TNIP2: variants seen among roughly 807,000 people sequenced by gnomAD.
TNIP2 encodes the protein TNFAIP3-interacting protein 2.
A neutral mutation model predicts 43.7 loss-of-function variants in TNIP2; 30 were observed. That is an observed-to-expected ratio of 0.69 (90% confidence interval 0.51 to 0.93). The LOEUF (loss-of-function observed/expected upper bound fraction) is 0.93. TNIP2 is among the 40% of genes least tolerant of loss of function. TNIP2 has a pLI of 0.00. For missense variants in TNIP2, 599 were observed against 591.0 expected (o/e 1.01, Z -0.14); for synonymous variants, 260 against 254.6 (o/e 1.02, Z -0.20).
rs1354898567 is a variant in TNIP2, at chr4:2,741,911, C to T, written c.*346G>A. The T allele has an allele frequency of 1.9e-5, 4 of 208,986 alleles. No homozygotes were observed. Among genetic ancestry groups the T allele is most frequent in the Non-Finnish European group, 3.8e-5 (4 of 105,392 alleles). The allele number at this position is 208,986 out of a possible 1,614,324, so 12.9% of individuals were successfully genotyped here. ...CCCACCCTGGGGACCATACAAGTGA[C>T]TCCCTCAGGCAGCCACCCCTTTCTA... On this transcript the variant is annotated 3_prime_UTR_variant, in exon 6 of 6. Transcript: ENST00000315423.
chr4:2,746,012 C>T (rs1460844143), intron 2 of TNIP2: 16 of 169,962 alleles, frequency 9.4e-5, no homozygotes, highest in Non-Finnish European at 1.1e-4. Flanking sequence ...GTGGGCCTGG[C>T]CATGCACCCT....
chr4:2,749,098 AT>A (rs1722036537), intron 1 of TNIP2, among the ~76,000 whole-genome samples: 1 of 152,022 alleles, frequency 6.6e-6, no homozygotes, highest in African/African-American at 2.4e-5. Context: ...GCCAAATTCT[AT>A]TTTCACAAGC....
intron 1 of TNIP2, among the ~76,000 whole-genome samples, chr4:2,749,224 A>T (rs1405667807): frequency 6.6e-6 from 1 of 152,118 alleles, no homozygotes; most frequent in Non-Finnish European, 1.5e-5. Flanking sequence ...CTCCCACCTC[A>T]GCCTCCTGAA....
rs866428274 is a variant in TNIP2 at position 2,756,312 on chromosome 4, C to G, written c.-23G>C. On this transcript the variant is annotated 5_prime_UTR_variant, in exon 1 of 6. Coordinates refer to ENST00000315423, the MANE Select transcript of TNIP2 (RefSeq NM_024309.4). The stretch of plus-strand genomic sequence containing the variant: ...CATGGCTGTAGGCCCGCCCGGGAGG[C>G]CGCGCGGCCGCCGGCAACTTCCGCG... The G allele has an allele frequency of 2.0e-5, 24 of 1,205,942 alleles. No homozygotes were observed. The Admixed American group carries it at 4.0e-4, about 20-fold the overall frequency. The allele number at this position is 1,205,942 out of a possible 1,614,324, so 74.7% of individuals were successfully genotyped here. A position where few individuals can be genotyped will look rare whatever the true frequency, so the allele number is the denominator to read the frequency against.
At chr4:2,753,703 A>G (rs1722157336) in intron 1 of TNIP2, among the ~76,000 whole-genome samples, 1 of 152,164 alleles carries the variant, frequency 6.6e-6, no homozygotes, top group Non-Finnish European at 1.5e-5. Context: ...TCTGGAGATG[A>G]CTTCGGAGTG....
At chr4:2,743,534 C>G (rs1054247204) in intron 5 of TNIP2, among the ~76,000 whole-genome samples, 1 of 152,186 alleles carries the variant, frequency 6.6e-6, no homozygotes, top group Non-Finnish European at 1.5e-5. Context: ...GCCCTTCATG[C>G]GGAGGAGAAG....
At chr4:2,746,970 C>A (rs142931871) in intron 2 of TNIP2, among the ~76,000 whole-genome samples, 1,581 of 152,344 alleles carry the variant, frequency 0.01, 15 homozygotes, top group Middle Eastern at 0.034. Context: ...CCACAGAGAG[C>A]TACAGCCCAG....
At chr4:2,747,300 G>C (rs370538043) in intron 2 of TNIP2, 6 of 234,252 alleles carry the variant, frequency 2.6e-5, no homozygotes, top group Non-Finnish European at 5.1e-5. Context: ...CAGTTTCCTC[G>C]GATGGAGGAT....
chr4:2,753,097 A>C (rs184458954), intron 1 of TNIP2, among the ~76,000 whole-genome samples: 50 of 152,202 alleles, frequency 3.3e-4, no homozygotes, highest in Admixed American at 8.5e-4. Context: ...TAAAAATAAA[A>C]AAACAAACAA....
At chr4:2,745,630 C>T (rs1220803442) in intron 2 of TNIP2, 95 bp from the exon 3 acceptor site, 8 of 824,448 alleles carry the variant, frequency 9.7e-6, no homozygotes, top group Non-Finnish European at 1.7e-5. Context: ...ATTATCACTG[C>T]GTCCCCCAGT....
At chr4:2,750,512 G>C (rs1722074503) in intron 1 of TNIP2, among the ~76,000 whole-genome samples, 1 of 151,870 alleles carries the variant, frequency 6.6e-6, no homozygotes, top group African/African-American at 2.4e-5. Context: ...CCGAAGCCTT[G>C]AACTCCTGGG....
intron 1 of TNIP2, among the ~76,000 whole-genome samples, chr4:2,751,015 G>C (rs1221670878): frequency 6.6e-6 from 1 of 152,222 alleles, no homozygotes; most frequent in African/African-American, 2.4e-5. Context: ...TCAGGACGCA[G>C]GCTCTACGCT....
In TNIP2 at chr4:2,742,500, G is replaced by A. The variant is rs112058145; in HGVS notation, c.1047C>T (p.Ala349=). Residue 349 remains alanine, a synonymous_variant, in exon 6 of 6, where the codon GCC becomes GCT. Coordinates refer to ENST00000315423, the MANE Select transcript of TNIP2 (RefSeq NM_024309.4). ...TTTTGCTCCCAGCGTGAATCCGGCCGGCGTCTGGCTCTCGAGAATCCTGGA... is the reference window on the plus strand; with the variant it reads ...TTTTGCTCCCAGCGTGAATCCGGCCAGCGTCTGGCTCTCGAGAATCCTGGA... ...SWRQDSREPD[A]GRIHAGSKTA... The A allele has an allele frequency of 7.0e-3, 11,144 of 1,595,072 alleles. 57 individuals carry two copies. Among genetic ancestry groups the A allele is most frequent in the Non-Finnish European group, 8.8e-3 (10,317 of 1,167,624 alleles).
At chr4:2,755,170 G>A (rs1157712887) in intron 1 of TNIP2, among the ~76,000 whole-genome samples, 4 of 151,844 alleles carry the variant, frequency 2.6e-5, no homozygotes, top group East Asian at 3.9e-4. Flanking sequence ...TTGGACCCAA[G>A]ACACACATGT....
rs939528594 is a variant in TNIP2, at chr4:2,744,878, T to A, written c.725A>T (p.His242Leu). The change falls in exon 4 of 6, where the codon CAT becomes CTT. Residue 242 changes from histidine to leucine, a missense_variant. Transcript: ENST00000315423. The surrounding 1 kb of genome is among the most constrained non-coding windows in gnomAD (Gnocchi z 5.1). The part of the protein sequence containing the change: ...ASRDEYVRGL[H>L]AQLRGLQIPH... ...GATCTGCAGCCCCCTGAGCTGCGCA[T>A]GGAGCCCCCTCACGTATTCGTCCCT... is the stretch of plus-strand genomic sequence containing the variant. The A allele has an allele frequency of 6.2e-7, 1 of 1,613,874 alleles. No homozygotes were observed.
Position 2,745,526 on chromosome 4 carries a change from T to C in TNIP2, c.577A>G (p.Thr193Ala), listed in dbSNP as rs1022187528. 2 of 1,613,452 alleles carry C rather than the reference T, an allele frequency of 1.2e-6. No individual in the cohort carries two copies. The highest frequency in any genetic ancestry group is 2.7e-5 in the African/African-American group (2 of 74,920). ...GERSPDQSEH[T>A]DGHTSVQSVI... ...CTCTGGACAGAGGTGTGCCCATCTG[T>C]GTGTTCCGACTGCATGAGGAAGGGA... Residue 193 changes from threonine (T) to alanine (A), a missense_variant, in exon 3 of 6, where the codon ACA becomes GCA. By Grantham distance (58) the Thr-to-Ala change is moderately conservative. Coordinates refer to ENST00000315423, the MANE Select transcript of TNIP2 (RefSeq NM_024309.4).
intron 1 of TNIP2, among the ~76,000 whole-genome samples, chr4:2,750,397 G>GATTATTATTATTATTATTATT: frequency 6.9e-6 from 1 of 145,656 alleles, no homozygotes; most frequent in East Asian, 2.0e-4. Flanking sequence ...CGAGAACCCT[G>GATTATTATTATTATTATTATT]ATTATTATTA....
Position 2,744,860 on chromosome 4 carries a change from A to G in TNIP2, c.743T>C (p.Leu248Pro), listed in dbSNP as rs757661793. 2 of 1,613,988 alleles carry G rather than the reference A, an allele frequency of 1.2e-6. No individual in the cohort carries two copies. The highest frequency in any genetic ancestry group is 1.7e-6 in the Non-Finnish European group (2 of 1,180,042). Reference protein sequence around the residue: ...VRGLHAQLRGLQIPHEPELMR... With the variant: ...VRGLHAQLRGPQIPHEPELMR... ...CAGCTCGGGCTCGTGGGGGATCTGC[A>G]GCCCCCTGAGCTGCGCATGGAGCCC... The change falls in exon 4 of 6, where the codon CTG becomes CCG. Residue 248 changes from leucine (L) to proline (P), a missense_variant. Physicochemically the swap from Leu to Pro is moderately conservative, Grantham distance 98. Coordinates refer to ENST00000315423, the MANE Select transcript of TNIP2 (RefSeq NM_024309.4). This position sits in a 1 kb window ranked among gnomAD's most constrained non-coding sequence, Gnocchi z 5.1.
At chr4:2,752,316 C>T (rs1173480666) in intron 1 of TNIP2, among the ~76,000 whole-genome samples, 4 of 152,084 alleles carry the variant, frequency 2.6e-5, no homozygotes, top group Non-Finnish European at 4.4e-5. Context: ...GAATTGGTGC[C>T]ATTATTCCAG....
Sources: gnomAD v4.1 joint callset for allele counts (sites outside exome capture counted in the v4.1 genomes callset) on GRCh38, gnomAD v4.1.1 for gene constraint, Gnocchi (gnomAD v3.1) non-coding constraint, MANE v1.5 for transcripts, NCBI Gene and HGNC (gene_info 2026-07-23, HGNC 2026-07-21) for gene names.